Variants in PTPRD observed in about 807,000 individuals in gnomAD.
PTPRD encodes the protein receptor-type tyrosine-protein phosphatase delta.
In PTPRD, 34 loss-of-function variants were observed where a neutral mutation model predicts 214.5. The observed-to-expected ratio is 0.16, with a 90% CI of 0.12 to 0.21. PTPRD has a LOEUF of 0.21. PTPRD is among the 10% of genes least tolerant of loss of function. The probability of loss-of-function intolerance (pLI) is 1.00; values close to 1 mark genes in which losing one functional copy is unlikely to be tolerated. For synonymous variants in PTPRD, 1,128 were observed against 845.7 expected (o/e 1.33, Z -5.79); for missense variants, 2,545 against 2,398.7 (o/e 1.06, Z -1.27).
At chr9:8,427,145 T>C (rs568511469) in intron 35 of PTPRD, among the ~76,000 whole-genome samples, 3 of 152,318 alleles carry the variant, frequency 2.0e-5, no homozygotes, top group South Asian at 4.1e-4. Flanking sequence ...GGCCAATCTT[T>C]GCTATAAAAG....
At chr9:9,971,198 A>G (rs1380926091) in intron 4 of PTPRD, among the ~76,000 whole-genome samples, 1 of 152,216 alleles carries the variant, frequency 6.6e-6, no homozygotes, top group Non-Finnish European at 1.5e-5. Flanking sequence ...AAATAAAAAC[A>G]TCAGGTAAGA....
At chr9:8,678,969 G>A (rs941151491) in intron 12 of PTPRD, among the ~76,000 whole-genome samples, 6 of 152,126 alleles carry the variant, frequency 3.9e-5, no homozygotes, top group Admixed American at 6.6e-5. Context: ...CAATAATATC[G>A]AGAGCAGTTC....
At chr9:9,660,870 G>A (rs2154379771) in intron 7 of PTPRD, among the ~76,000 whole-genome samples, 1 of 152,048 alleles carries the variant, frequency 6.6e-6, no homozygotes, top group South Asian at 2.1e-4. Context: ...CTGAATCACT[G>A]GAAAGCTACG....
At chr9:9,754,079 G>A (rs2098546599) in intron 6 of PTPRD, among the ~76,000 whole-genome samples, 1 of 152,054 alleles carries the variant, frequency 6.6e-6, no homozygotes, top group African/African-American at 2.4e-5. Flanking sequence ...TTAGCAGAAT[G>A]CTAGACATAT....
intron 8 of PTPRD, among the ~76,000 whole-genome samples, chr9:9,476,964 A>G (rs180699878): frequency 2.6e-5 from 4 of 152,148 alleles, no homozygotes; most frequent in East Asian, 1.9e-4. Context: ...CGAACTCCCA[A>G]CTTCAGGTGA....
chr9:8,509,506 C>G (rs1538192), intron 21 of PTPRD, among the ~76,000 whole-genome samples: 18,654 of 152,154 alleles, frequency 0.12, 1,194 homozygotes, highest in East Asian at 0.17. Flanking sequence ...CCAAACCGGA[C>G]TACAGTATGG....
intron 2 of PTPRD, among the ~76,000 whole-genome samples, chr9:10,356,775 G>A (rs1204485935): frequency 6.6e-6 from 1 of 151,948 alleles, no homozygotes; most frequent in South Asian, 2.1e-4. Context: ...TGTCTCCCAA[G>A]TTCAAGGGGT....
chr9:10,386,650 A>G (rs1565701355), intron 2 of PTPRD, among the ~76,000 whole-genome samples: 1 of 35,436 alleles, frequency 2.8e-5, no homozygotes, highest in Non-Finnish European at 5.5e-5. Context: ...AACAAAGCCC[A>G]AAGACCAAAA....
Position 8,861,088 on chromosome 9 carries a change from C to A in PTPRD, c.-103-127142G>T, listed in dbSNP as rs969751772. 4.0e-5 allele frequency: 6 copies of A among 151,076 alleles called. No individual in the cohort carries two copies. The South Asian group carries it at 6.2e-4, about 16-fold the overall frequency. The allele number at this position is 151,076 out of a possible 1,614,324, so 9.4% of individuals were successfully genotyped here. On this transcript the variant is annotated intron_variant, in intron 11 of 45. Coordinates refer to ENST00000381196, the MANE Select transcript of PTPRD (RefSeq NM_002839.4). ...CACAGGAGCTTTGCTATAGCACTAC[C>A]CCCTCTAGTGCATAATTCAGCATAC...
chr9:9,693,619 T>A (rs2097315348), intron 7 of PTPRD, among the ~76,000 whole-genome samples: 1 of 152,220 alleles, frequency 6.6e-6, no homozygotes, highest in Non-Finnish European at 1.5e-5. Flanking sequence ...TGTACATGAA[T>A]GTTAATATAT....
intron 3 of PTPRD, among the ~76,000 whole-genome samples, chr9:10,194,764 G>C (rs1001200823): frequency 2.0e-5 from 3 of 152,106 alleles, no homozygotes; most frequent in African/African-American, 4.8e-5. Flanking sequence ...AATTTTTCTA[G>C]TTCCATTGAT....
At chr9:9,368,743 A>G (rs1356965037) in intron 9 of PTPRD, among the ~76,000 whole-genome samples, 1 of 151,960 alleles carries the variant, frequency 6.6e-6, no homozygotes, top group East Asian at 1.9e-4. Flanking sequence ...CAAATGCTGC[A>G]ATGGATATCT....
At chr9:8,918,160 T>C (rs2098799912) in intron 11 of PTPRD, among the ~76,000 whole-genome samples, 1 of 152,160 alleles carries the variant, frequency 6.6e-6, no homozygotes, top group Non-Finnish European at 1.5e-5. Flanking sequence ...GTTGCTTATT[T>C]CCTCCATGCT....
chr9:8,341,296 A>G lies in PTPRD; in HGVS notation c.4948-28T>C, dbSNP rs765857170. 18 of 1,552,506 alleles carry G rather than the reference A, an allele frequency of 1.2e-5. No individual in the cohort carries two copies. The East Asian group carries it at 3.8e-4, about 33-fold the overall frequency. On this transcript the variant is annotated intron_variant, in intron 40 of 45. Coordinates refer to ENST00000381196, the MANE Select transcript of PTPRD (RefSeq NM_002839.4). ...GTTGAATAGGAAAAAAAAAAAAGGAAAAACCCAACAAAGATCATTTTCACC... is the reference window on the plus strand; with the variant it reads ...GTTGAATAGGAAAAAAAAAAAAGGAGAAACCCAACAAAGATCATTTTCACC...
intron 2 of PTPRD, among the ~76,000 whole-genome samples, chr9:10,583,645 A>G (rs1271082670): frequency 1.3e-5 from 2 of 151,302 alleles, no homozygotes; most frequent in Admixed American, 1.3e-4. Context: ...CGCCCGGCTA[A>G]TTTTTTGTAT....
chr9:10,533,093 G>C (rs1049426262), intron 2 of PTPRD, among the ~76,000 whole-genome samples: 1 of 151,918 alleles, frequency 6.6e-6, no homozygotes, highest in East Asian at 1.9e-4. Flanking sequence ...AAAACAGTCT[G>C]GCATCCTGGG....
At chr9:9,468,519 T>G (rs776946762) in intron 8 of PTPRD, among the ~76,000 whole-genome samples, 10 of 152,072 alleles carry the variant, frequency 6.6e-5, no homozygotes, top group Admixed American at 3.3e-4. Context: ...CTCTTCAGGC[T>G]TAGCTACTAT....
intron 12 of PTPRD, among the ~76,000 whole-genome samples, chr9:8,646,627 T>C (rs762792839): frequency 6.6e-6 from 1 of 152,218 alleles, no homozygotes; most frequent in Non-Finnish European, 1.5e-5. Flanking sequence ...TTCTTTGATC[T>C]TCCCCATCTA....
chr9:9,775,895 G>A (rs1051922714), intron 5 of PTPRD, among the ~76,000 whole-genome samples: 1 of 143,004 alleles, frequency 7.0e-6, no homozygotes. Context: ...GGCGGAGCTT[G>A]CAGTGAGCCA....
Sources: allele counts gnomAD v4.1 joint callset (sites outside exome capture counted in the v4.1 genomes callset), GRCh38; gene constraint gnomAD v4.1.1; transcripts MANE v1.5; gene names NCBI Gene and HGNC (gene_info 2026-07-23, HGNC 2026-07-21).